MGAT4C: variants seen among roughly 807,000 people sequenced by gnomAD.
MGAT4C encodes the protein alpha-1,3-mannosyl-glycoprotein 4-beta-N-acetylglucosaminyltransferase C.
MGAT4C carries 19 observed loss-of-function variants against 40.1 expected under a neutral mutation model. The ratio of observed to expected loss-of-function variants is 0.47; its 90% confidence interval spans 0.33 to 0.70. The LOEUF (loss-of-function observed/expected upper bound fraction) is 0.70. Ranked by LOEUF, MGAT4C falls within the 30% of genes least tolerant of loss-of-function variation. The pLI is 0.02. For missense variants in MGAT4C, 491 were observed against 563.2 expected, an observed-to-expected ratio of 0.87 and a Z score of 1.30; for synonymous variants, 181 against 187.1, an observed-to-expected ratio of 0.97 and a Z score of 0.27.
At chr12:86,269,052 ATATATATATT>A (rs1952874711) in intron 4 of MGAT4C, among the ~76,000 whole-genome samples, 2 of 81,938 alleles carry the variant, frequency 2.4e-5, no homozygotes, top group Non-Finnish European at 5.2e-5. Flanking sequence ...ATATATATAT[ATATATATATT>A]CTTTTCTTTT....
At chr12:86,587,676 G>A (rs554792385) in intron 2 of MGAT4C, among the ~76,000 whole-genome samples, 217 of 151,946 alleles carry the variant, frequency 1.4e-3, no homozygotes, top group Non-Finnish European at 2.0e-3. Context: ...CCCTTGTAAG[G>A]TGGATTCCTA....
chr12:86,161,359 C>T (rs1885564017), intron 1 of MGAT4C, among the ~76,000 whole-genome samples: 1 of 151,998 alleles, frequency 6.6e-6, no homozygotes, highest in African/African-American at 2.4e-5. Flanking sequence ...GAAAGCCACA[C>T]ACCTACAACC....
At chr12:86,260,750 A>T (rs985852475), upstream of MGAT4C, among the ~76,000 whole-genome samples, 2 of 152,066 alleles carry the variant, frequency 1.3e-5, no homozygotes, top group African/African-American at 4.8e-5. Context: ...AATGTTGTCT[A>T]ACTTGTGATC....
chr12:86,700,095 A>T (rs1593128069), intron 2 of MGAT4C, among the ~76,000 whole-genome samples: 1 of 111,764 alleles, frequency 8.9e-6, no homozygotes. Flanking sequence ...GATAGATGAT[A>T]GATAGATAGA....
intron 1 of MGAT4C, among the ~76,000 whole-genome samples, chr12:86,193,059 G>GT (rs1221093582): frequency 2.6e-5 from 4 of 151,408 alleles, no homozygotes; most frequent in South Asian, 2.1e-4. Context: ...CATAAATCAG[G>GT]TTTTTTTCTA....
intron 2 of MGAT4C, among the ~76,000 whole-genome samples, chr12:86,528,329 T>G (rs941878375): frequency 6.6e-6 from 1 of 152,100 alleles, no homozygotes; most frequent in Admixed American, 6.6e-5. Flanking sequence ...CTCAATGTAC[T>G]CACAGTTTCA....
intron 2 of MGAT4C, among the ~76,000 whole-genome samples, chr12:86,494,398 T>A (rs971176708): frequency 1.3e-5 from 2 of 151,936 alleles, no homozygotes; most frequent in African/African-American, 4.8e-5. Context: ...AGATTTTGTT[T>A]CAATTTTATT....
chr12:86,425,796 C>A (rs1956914374), intron 3 of MGAT4C, among the ~76,000 whole-genome samples: 1 of 152,096 alleles, frequency 6.6e-6, no homozygotes, highest in South Asian at 2.1e-4. Flanking sequence ...TTATCAATAT[C>A]TTGGGTATTT....
intron 2 of MGAT4C, among the ~76,000 whole-genome samples, chr12:86,521,912 G>T (rs1958801441): frequency 6.6e-6 from 1 of 151,984 alleles, no homozygotes; most frequent in Non-Finnish European, 1.5e-5. Context: ...CTAGATTGTT[G>T]TTGTAGTGTA....
intron 2 of MGAT4C, among the ~76,000 whole-genome samples, chr12:86,721,898 C>T (rs1342508326): frequency 3.9e-5 from 6 of 151,916 alleles, no homozygotes; most frequent in Admixed American, 3.3e-4. Flanking sequence ...TCTGTGATTG[C>T]GACATTTGAT....
chr12:86,685,675 T>C (rs1277721062), intron 2 of MGAT4C, among the ~76,000 whole-genome samples: 1 of 152,076 alleles, frequency 6.6e-6, no homozygotes, highest in Non-Finnish European at 1.5e-5. Flanking sequence ...ATGAAAGGTT[T>C]TTCCATTTGT....
intron 1 of MGAT4C, among the ~76,000 whole-genome samples, chr12:86,764,109 T>C (rs969238804): frequency 2.6e-5 from 4 of 152,018 alleles, no homozygotes; most frequent in African/African-American, 9.7e-5. Context: ...CCTTTCCTAG[T>C]CAAAGAAAGG....
At chr12:86,060,785 T>A (rs1893879286) in intron 1 of MGAT4C, among the ~76,000 whole-genome samples, 1 of 151,896 alleles carries the variant, frequency 6.6e-6, no homozygotes, top group Non-Finnish European at 1.5e-5. Context: ...TTGTAAGGAG[T>A]GAAATCCTTG....
chr12:86,663,353 CAAAAAA>C (rs58562873), intron 2 of MGAT4C, among the ~76,000 whole-genome samples: 743 of 44,776 alleles, frequency 0.017, 3 homozygotes, highest in Non-Finnish European at 0.024. Flanking sequence ...TCCTCTGTCT[CAAAAAA>C]AAAAAAAAAA....
chr12:85,996,747 CA>C (rs1886664807), intron 2 of MGAT4C, among the ~76,000 whole-genome samples: 1 of 150,808 alleles, frequency 6.6e-6, no homozygotes, highest in Non-Finnish European at 1.5e-5. Flanking sequence ...AATACCTAAA[CA>C]AAACTGACAT....
At chr12:86,535,415 T>A (rs1357803922) in intron 2 of MGAT4C, among the ~76,000 whole-genome samples, 3 of 152,072 alleles carry the variant, frequency 2.0e-5, no homozygotes, top group African/African-American at 7.2e-5. Flanking sequence ...TTCAGTACAA[T>A]CTTAACAATA....
At chr12:86,152,088 T>A (rs1361008378) in intron 1 of MGAT4C, among the ~76,000 whole-genome samples, 2 of 152,214 alleles carry the variant, frequency 1.3e-5, no homozygotes, top group African/African-American at 4.8e-5. Flanking sequence ...ACTCTCACTC[T>A]AACACCTCCA....
At chr12:86,796,751 A>G (rs1423792842) in intron 1 of MGAT4C, among the ~76,000 whole-genome samples, 2 of 151,814 alleles carry the variant, frequency 1.3e-5, no homozygotes, top group Non-Finnish European at 2.9e-5. Context: ...GTCATTCCAC[A>G]ATATATATAT....
intron 2 of MGAT4C, among the ~76,000 whole-genome samples, chr12:86,486,247 C>G (rs1307986344): frequency 1.3e-5 from 2 of 152,004 alleles, no homozygotes; most frequent in African/African-American, 2.4e-5. Flanking sequence ...AATTGCCCCA[C>G]TTAAAGAGGA....
Sources: allele counts gnomAD v4.1 joint callset (sites outside exome capture counted in the v4.1 genomes callset), GRCh38; gene constraint gnomAD v4.1.1; transcripts MANE v1.5; gene names NCBI Gene and HGNC (gene_info 2026-07-23, HGNC 2026-07-21).